DNAH5: variants seen among roughly 807,000 people sequenced by gnomAD.
DNAH5 encodes axonemal beta dynein heavy chain 5.
A neutral mutation model predicts 518.2 loss-of-function variants in DNAH5; 372 were observed. The ratio of observed to expected loss-of-function variants is 0.72; its 90% CI spans 0.66 to 0.78. The LOEUF is 0.78. Ranked by LOEUF, DNAH5 falls within the 30% of genes least tolerant of loss-of-function variation. DNAH5 has a pLI of 0.00. For synonymous variants in DNAH5, 2,039 were observed against 2,025.9 expected (o/e 1.01, Z -0.17); for missense variants, 5,523 against 5,687.0 (o/e 0.97, Z 0.93).
chr5:13,930,982 T>C, intron 2 of DNAH5, 128 bp downstream of exon 2: 3 of 1,394,378 alleles, frequency 2.2e-6, no homozygotes, highest in Admixed American at 3.4e-5. Context: ...AGAGTCAGAA[T>C]GGAGCCCTGT....
chr5:13,902,796 A>G (rs1390601088), intron 12 of DNAH5, among the ~76,000 whole-genome samples: 5 of 152,236 alleles, frequency 3.3e-5, no homozygotes, highest in Non-Finnish European at 5.9e-5. Context: ...AATGAAAGGG[A>G]TATAACCCAA....
At chr5:13,850,842 CT>C in intron 30 of DNAH5, 27 bp from the exon 31 acceptor site, 1 of 1,612,512 alleles carries the variant, frequency 6.2e-7, no homozygotes, top group South Asian at 1.1e-5. Flanking sequence ...ACAAAGCACA[CT>C]TAGATTTGGA....
At chr5:13,873,923 A>G (rs1434341241) in intron 22 of DNAH5, among the ~76,000 whole-genome samples, 1 of 152,232 alleles carries the variant, frequency 6.6e-6, no homozygotes, top group African/African-American at 2.4e-5. Flanking sequence ...TAAACAGTGC[A>G]ATTATCTGAA....
intron 21 of DNAH5, among the ~76,000 whole-genome samples, chr5:13,878,415 C>T (rs988977867): frequency 2.0e-5 from 3 of 152,136 alleles, no homozygotes; most frequent in African/African-American, 7.2e-5. Flanking sequence ...TGGGAAGGGG[C>T]TTCTGGCACC....
intron 65 of DNAH5, among the ~76,000 whole-genome samples, chr5:13,746,986 C>T (rs1749442541): frequency 6.6e-6 from 1 of 151,840 alleles, no homozygotes; most frequent in Non-Finnish European, 1.5e-5. Flanking sequence ...TGTGCTGCAC[C>T]CATTAACTCG....
chr5:13,791,879 G>A, intron 50 of DNAH5, 115 bp downstream of exon 50: 1 of 888,676 alleles, frequency 1.1e-6, no homozygotes. Flanking sequence ...GAATACCCAT[G>A]CTGAAACATT....
Position 13,885,222 on chromosome 5 carries a change from C to A in DNAH5, c.2750G>T (p.Arg917Ile). Residue 917 changes from arginine (R) to isoleucine (I), a missense_variant, in exon 19 of 79, where the codon AGA becomes ATA. Coordinates refer to ENST00000265104, the MANE Select transcript of DNAH5 (RefSeq NM_001369.3). ...CAAGGTGTCAAAATTTCCTTCTTCT[C>A]TTTTTGCTGTTACAAGATGAAAGAG... ...VNYKNESSAK[R>I]EEGNFDTLTS... 2 of 1,613,978 alleles carry A rather than the reference C, an allele frequency of 1.2e-6. No homozygotes were observed. Among genetic ancestry groups the A allele is most frequent in the Non-Finnish European group, 1.7e-6 (2 of 1,179,980 alleles).
chr5:13,941,698 A>G, intron 1 of DNAH5, among the ~76,000 whole-genome samples: 1 of 152,228 alleles, frequency 6.6e-6, no homozygotes, highest in Non-Finnish European at 1.5e-5. Flanking sequence ...CTTCCCCCAC[A>G]GCTTCTACCC....
chr5:13,847,874 C>T (rs779487541), intron 31 of DNAH5, among the ~76,000 whole-genome samples: 55 of 152,184 alleles, frequency 3.6e-4, no homozygotes, highest in Non-Finnish European at 4.1e-4. Flanking sequence ...GACAGTTCCT[C>T]GGCAAGTGTT....
chr5:13,778,539 GAAGA>G (rs397996833), intron 53 of DNAH5, among the ~76,000 whole-genome samples: 962 of 73,888 alleles, frequency 0.013, 12 homozygotes, highest in South Asian at 0.021. Context: ...GAGAGAGAGA[GAAGA>G]AAGAAAGAAA....
intron 3 of DNAH5, among the ~76,000 whole-genome samples, chr5:13,925,969 C>A (rs1301786525): frequency 6.6e-6 from 1 of 152,162 alleles, no homozygotes; most frequent in African/African-American, 2.4e-5. Flanking sequence ...ACCCAACCAC[C>A]TAAAGAGCTT....
intron 47 of DNAH5, among the ~76,000 whole-genome samples, chr5:13,796,245 T>A (rs2126928114): frequency 1.3e-5 from 2 of 152,170 alleles, no homozygotes; most frequent in South Asian, 4.2e-4. Flanking sequence ...GATTAGGAAA[T>A]GAGGAAGTCA....
chr5:13,857,808 T>C (rs557825427), intron 30 of DNAH5, among the ~76,000 whole-genome samples: 69 of 152,296 alleles, frequency 4.5e-4, no homozygotes, highest in African/African-American at 1.6e-3. Context: ...TGGCTAGCCA[T>C]ATGCAGAAAA....
At chr5:13,895,922 C>T (rs752457632) in intron 15 of DNAH5, among the ~76,000 whole-genome samples, 1 of 152,046 alleles carries the variant, frequency 6.6e-6, no homozygotes, top group Admixed American at 6.5e-5. Context: ...ATCCTTGATT[C>T]CTCTTTCACT....
At chr5:13,705,165 G>T (rs1474774018) in intron 76 of DNAH5, among the ~76,000 whole-genome samples, 4 of 151,928 alleles carry the variant, frequency 2.6e-5, no homozygotes, top group African/African-American at 9.7e-5. Context: ...CTAATTTTTT[G>T]TAGTTTTTTT....
chr5:13,836,557 G>T (rs1764425174), intron 35 of DNAH5, among the ~76,000 whole-genome samples: 1 of 152,308 alleles, frequency 6.6e-6, no homozygotes, highest in South Asian at 2.1e-4. Context: ...GCAGCTGATT[G>T]CTCAAGAAAG....
chr5:13,935,499 A>G lies in DNAH5; in HGVS notation c.58-4255T>C, dbSNP rs1384636365. On this transcript the variant is annotated intron_variant, in intron 1 of 78. Coordinates refer to ENST00000265104, the MANE Select transcript of DNAH5 (RefSeq NM_001369.3). ...TTTAAAAGCACGTTAAGACTTGAAT[A>G]TATTTTCTTATGTAAACTGATTGTT... Among the ~76,000 whole-genome samples the G allele has an allele frequency of 2.0e-5, 3 of 152,232 alleles. No individual in the cohort carries two copies. The East Asian group carries it at 5.8e-4, about 29-fold the overall frequency.
intron 78 of DNAH5, 37 bp from the exon 79 acceptor site, chr5:13,692,172 T>C (rs1374841915): frequency 6.2e-7 from 1 of 1,611,554 alleles, no homozygotes; most frequent in African/African-American, 1.3e-5. Context: ...TTGGTGAAAT[T>C]TCCACTTTAG....
At position 13,963,753 on chromosome 5, in the gene DNAH5, A is replaced by G. The variant is rs372100416; in HGVS notation, c.13-32509T>C. 5.9e-5 allele frequency among the ~76,000 whole-genome samples: 9 copies of G among 152,216 alleles called. No individual in the cohort carries two copies. In the East Asian group the frequency reaches 1.2e-3, roughly 20 times the overall value. Reference sequence around the variant, plus strand: ...TACCCCCCTCCTCCACAGTGGCACTATCATAGCTCACTACAGCCTGGAACT... The same window carrying G: ...TACCCCCCTCCTCCACAGTGGCACTGTCATAGCTCACTACAGCCTGGAACT... On this transcript the variant is annotated intron_variant, in intron 1 of 78. Transcript: ENST00000681290.
Sources: gnomAD v4.1 joint callset for allele counts (sites outside exome capture counted in the v4.1 genomes callset) on GRCh38, gnomAD v4.1.1 for gene constraint, MANE v1.5 for transcripts, NCBI Gene and HGNC (gene_info 2026-07-23, HGNC 2026-07-21) for gene names.